BCKDHB: variants seen among roughly 807,000 people sequenced by gnomAD.
BCKDHB encodes branched chain keto acid dehydrogenase E1 subunit beta, also known as 2-oxoisovalerate dehydrogenase subunit beta, mitochondrial.
Under a neutral mutation model 48.5 loss-of-function variants are expected in BCKDHB, and 41 were observed. That is an observed-to-expected ratio of 0.85 (90% CI 0.66 to 1.10). The LOEUF (loss-of-function observed/expected upper bound fraction) is 1.10. BCKDHB is among the 50% of genes least tolerant of loss of function. The pLI is 0.00. For missense variants in BCKDHB, 496 were observed against 494.2 expected (o/e 1.00, Z -0.03); for synonymous variants, 201 against 174.8 (o/e 1.15, Z -1.18).
chr6:80,363,066 A>G, the BCKDHB span, among the ~76,000 whole-genome samples: 636 of 152,288 alleles, frequency 4.2e-3, 4 homozygotes, highest in African/African-American at 0.015. Flanking sequence ...GGTTTATTTC[A>G]GTGCAAGCTT....
chr6:80,365,317 GT>G, the BCKDHB span, among the ~76,000 whole-genome samples: 2 of 152,146 alleles, frequency 1.3e-5, no homozygotes, highest in African/African-American at 4.8e-5. Context: ...CCAGGGCAGA[GT>G]TTTTCCCCAC....
At chr6:80,414,410 G>T in the BCKDHB span, among the ~76,000 whole-genome samples, 12 of 152,100 alleles carry the variant, frequency 7.9e-5, 1 homozygote, top group South Asian at 2.5e-3. Flanking sequence ...GCCTTCCAAG[G>T]TTTTCATAGT....
rs145639517 is a variant in BCKDHB at position 80,181,971 on chromosome 6, T to G, written c.742+10581T>G. On this transcript the variant is annotated intron_variant, in intron 6 of 9. Coordinates refer to ENST00000320393, the MANE Select transcript of BCKDHB (RefSeq NM_183050.4). ...CTCTAACTACTGTTGACTTTTTGTT[T>G]TATATACTGTAAGACTGTTTTATCT... Among the ~76,000 whole-genome samples, 265 of 152,342 alleles carry G rather than the reference T, an allele frequency of 1.7e-3. 1 individual carries two copies. The highest frequency in any genetic ancestry group is 6.0e-3 in the African/African-American group (251 of 41,598).
rs35691033 is a variant in BCKDHB at position 80,324,537 on chromosome 6, C to CATAT, written c.1039-19116_1039-19113dup. 1.6e-3 allele frequency among the ~76,000 whole-genome samples: 237 copies of CATAT among 150,852 alleles called. 2 individuals carry two copies. In the South Asian group the frequency reaches 0.022, roughly 14 times the overall value. On this transcript the variant is annotated intron_variant, in intron 9 of 9. Transcript: ENST00000320393. ...ACATACCTGAGAAAGAACATTCTAG[C>CATAT]ATATATATATATATTAGCATATATA...
At chr6:80,140,001 C>T (rs1771107116) in intron 3 of BCKDHB, among the ~76,000 whole-genome samples, 2 of 152,158 alleles carry the variant, frequency 1.3e-5, no homozygotes, top group South Asian at 4.1e-4. Flanking sequence ...TTGTAGTTCT[C>T]CTTGAAGAGG....
At chr6:80,370,808 GTA>G in the BCKDHB span, among the ~76,000 whole-genome samples, 52,386 of 138,930 alleles carry the variant, frequency 0.38, 10,626 homozygotes, top group East Asian at 0.63. Flanking sequence ...GTGTGTGTGT[GTA>G]TATATATATG....
At chr6:80,402,004 C>G in the BCKDHB span, among the ~76,000 whole-genome samples, 1 of 151,624 alleles carries the variant, frequency 6.6e-6, no homozygotes, top group African/African-American at 2.4e-5. Context: ...GTGTCTTTAT[C>G]TATTTATCCA....
At chr6:80,419,157 G>C in the BCKDHB span, among the ~76,000 whole-genome samples, 3 of 152,166 alleles carry the variant, frequency 2.0e-5, no homozygotes, top group Non-Finnish European at 4.4e-5. Flanking sequence ...GTGCTGACAG[G>C]GCAAGGAAAG....
chr6:80,130,272 A>G (rs1429776779), intron 3 of BCKDHB, among the ~76,000 whole-genome samples: 1 of 152,186 alleles, frequency 6.6e-6, no homozygotes, highest in Non-Finnish European at 1.5e-5. Context: ...GCAGGAGCTG[A>G]TATCTCCCTC....
At position 80,210,182 on chromosome 6, in the gene BCKDHB, C is replaced by T. The variant is rs149161374; in HGVS notation, c.951+6970C>T. ...AGAAGCGTTCATAGGAACATTACTT[C>T]TAGTAGCCCCACACTGTAAACTGCC... On this transcript the variant is annotated intron_variant, in intron 8 of 9. Coordinates refer to ENST00000320393, the MANE Select transcript of BCKDHB (RefSeq NM_183050.4). Among the ~76,000 whole-genome samples the T allele has an allele frequency of 2.8e-3, 412 of 148,904 alleles. 1 individual carries two copies. The highest frequency in any genetic ancestry group is 4.7e-3 in the Non-Finnish European group (319 of 67,470).
chr6:80,317,522 G>T (rs951411525), intron 9 of BCKDHB, among the ~76,000 whole-genome samples: 1 of 152,126 alleles, frequency 6.6e-6, no homozygotes, highest in African/African-American at 2.4e-5. Context: ...CACAGCATCT[G>T]CTCAATGACC....
the BCKDHB span, among the ~76,000 whole-genome samples, chr6:80,425,657 A>T: frequency 1.7e-4 from 26 of 152,200 alleles, no homozygotes; most frequent in Non-Finnish European, 3.4e-4. Context: ...GAAACCTAAG[A>T]CATCTGATCA....
At chr6:80,342,899 C>T (rs766182285) in intron 9 of BCKDHB, among the ~76,000 whole-genome samples, 1 of 152,204 alleles carries the variant, frequency 6.6e-6, no homozygotes, top group South Asian at 2.1e-4. Context: ...AATCAGATCT[C>T]TAGCCTCATG....
intron 8 of BCKDHB, among the ~76,000 whole-genome samples, chr6:80,254,431 C>T (rs927995278): frequency 1.3e-4 from 20 of 152,064 alleles, no homozygotes; most frequent in African/African-American, 4.3e-4. Context: ...TGCGATGGCT[C>T]ATGCCTGTAA....
intron 9 of BCKDHB, among the ~76,000 whole-genome samples, chr6:80,338,334 G>A (rs978975650): frequency 6.6e-6 from 1 of 152,152 alleles, no homozygotes; most frequent in Non-Finnish European, 1.5e-5. Flanking sequence ...TGACTGACAG[G>A]CCACTTTTCT....
chr6:80,186,452 G>T (rs1773645370), intron 6 of BCKDHB, among the ~76,000 whole-genome samples: 1 of 152,172 alleles, frequency 6.6e-6, no homozygotes, highest in African/African-American at 2.4e-5. Flanking sequence ...TCAGGCAGCT[G>T]GGGAGAGCGG....
the BCKDHB span, among the ~76,000 whole-genome samples, chr6:80,389,787 C>A: frequency 1.1e-4 from 17 of 152,106 alleles, no homozygotes; most frequent in African/African-American, 4.1e-4. Context: ...GCAGAGTTCT[C>A]CAGAAGGTCG....
chr6:80,428,022 A>G, the BCKDHB span, among the ~76,000 whole-genome samples: 1 of 148,770 alleles, frequency 6.7e-6, no homozygotes, highest in Admixed American at 6.7e-5. Context: ...TCCCTCCCCT[A>G]ACCCCCCACC....
intron 1 of BCKDHB, among the ~76,000 whole-genome samples, chr6:80,107,423 ATGTGTGT>A (rs1769145439): frequency 1.4e-5 from 1 of 73,222 alleles, no homozygotes; most frequent in South Asian, 3.8e-4. Context: ...AATTGTGTGT[ATGTGTGT>A]GTGTGTGTGT....
Sources: allele counts gnomAD v4.1 joint callset (sites outside exome capture counted in the v4.1 genomes callset), GRCh38; gene constraint gnomAD v4.1.1; transcripts MANE v1.5; gene names NCBI Gene and HGNC (gene_info 2026-07-23, HGNC 2026-07-21).